ASIC3: variants seen among roughly 807,000 people sequenced by gnomAD.
The protein encoded by ASIC3 is acid sensing ion channel subunit 3.
A neutral mutation model predicts 58.6 loss-of-function variants in ASIC3; 46 were observed. The ratio of observed to expected loss-of-function variants is 0.79; its 90% CI spans 0.62 to 1.00. ASIC3 has a LOEUF of 1.00. ASIC3 is among the 50% of genes least tolerant of loss of function. The pLI is 0.00. For missense variants in ASIC3, 770 were observed against 735.0 expected, an observed-to-expected ratio of 1.05 and a Z score of -0.55; for synonymous variants, 336 against 300.2, an observed-to-expected ratio of 1.12 and a Z score of -1.23.
In ASIC3 at chr7:151,051,346, C is replaced by T. The variant is rs1312612002; in HGVS notation, c.1214+27C>T. Reference sequence around the variant, plus strand: ...TGAGCTGCGCGGGGCGGGCGGGCTCCTCCGAGCCGGGGGCTCCCGACGGGG... The same window carrying T: ...TGAGCTGCGCGGGGCGGGCGGGCTCTTCCGAGCCGGGGGCTCCCGACGGGG... On this transcript the variant is annotated intron_variant, in intron 6 of 10. Coordinates refer to ENST00000349064, the MANE Select transcript of ASIC3 (RefSeq NM_004769.4). 11 of 1,453,820 alleles carry T rather than the reference C, an allele frequency of 7.6e-6. No individual in the cohort carries two copies. In the Admixed American group the frequency reaches 2.3e-4, roughly 30 times the overall value. The allele number at this position is 1,453,820 out of a possible 1,614,324, so 90.1% of individuals were successfully genotyped here.
chr7:151,048,938 G>T lies in ASIC3; in HGVS notation c.53G>T (p.Arg18Leu). ...GCCCGGCGGCCAGCCTCGGACATCC[G>T]CGTGTTCGCCAGCAACTGCTCGATG... ...EEARRPASDI[R>L]VFASNCSMHG... Residue 18 changes from arginine to leucine, a missense_variant, in exon 1 of 11, where the codon CGC becomes CTC. Transcript: ENST00000349064. 6.3e-7 allele frequency: 1 copy of T among 1,579,392 alleles called. No individual in the cohort carries two copies. Among genetic ancestry groups the T allele is most frequent in the Non-Finnish European group, 8.6e-7 (1 of 1,158,936 alleles).
rs1171379604 is a variant in ASIC3 at position 151,048,877 on chromosome 7, G to A, written c.-9G>A. The A allele has an allele frequency of 6.5e-7, 1 of 1,541,096 alleles. No individual in the cohort carries two copies. The highest frequency in any genetic ancestry group is 1.4e-5 in the African/African-American group (1 of 73,006). ...CCTCTGTAGCTGGTTCCGCTCCTGG[G>A]TTCTGGCCATGAAGCCCACCTCAGG... On this transcript the variant is annotated 5_prime_UTR_variant, in exon 1 of 11. Transcript: ENST00000349064.
Position 151,052,084 on chromosome 7 carries a change from A to C in ASIC3, c.1386+22A>C. 3 of 1,455,290 alleles carry C rather than the reference A, an allele frequency of 2.1e-6. No individual in the cohort carries two copies. Among genetic ancestry groups the C allele is most frequent in the Non-Finnish European group, 2.8e-6 (3 of 1,053,358 alleles). 90.1% of individuals were successfully genotyped at this position (1,455,290 alleles called of 1,614,324 possible). ...TGAGGTGGGCCAGGGCCCCCACTGC[A>C]GGGGGTGGGAGGTGGGAATCAGGGC... On this transcript the variant is annotated intron_variant, in intron 8 of 10. Transcript: ENST00000349064. The surrounding 1 kb of genome is among the most constrained non-coding windows in gnomAD (Gnocchi z 5.0).
chr7:151,048,749 C>T lies in ASIC3; in HGVS notation c.-137C>T. The T allele has an allele frequency of 1.8e-6, 2 of 1,119,446 alleles. No homozygotes were observed. Among genetic ancestry groups the T allele is most frequent in the Non-Finnish European group, 1.3e-6 (1 of 782,800 alleles). The allele number at this position is 1,119,446 out of a possible 1,614,324, so 69.3% of individuals were successfully genotyped here. On this transcript the variant is annotated 5_prime_UTR_variant, in exon 1 of 11. Coordinates refer to ENST00000349064, the MANE Select transcript of ASIC3 (RefSeq NM_004769.4). ...GGCTAGTGCCTCCCTGCCTTCCAAC[C>T]TTGGCTGTCTCCCACCCTCTCTTCT...
chr7:151,052,001 T>C lies in ASIC3; in HGVS notation c.1325T>C (p.Met442Thr), dbSNP rs1376793036. Residue 442 changes from methionine to threonine, a missense_variant, in exon 8 of 11, where the codon ATG becomes ACG. Met to Thr is a moderately conservative substitution (Grantham distance 81). Coordinates refer to ENST00000349064, the MANE Select transcript of ASIC3 (RefSeq NM_004769.4). The surrounding 1 kb of genome is among the most constrained non-coding windows in gnomAD (Gnocchi z 5.0). ...SELLGDIGGQ[M>T]GLFIGASLLT... is the part of the protein sequence containing the mutation. ...TCCACAGGTGACATTGGGGGCCAGA[T>C]GGGGCTGTTCATCGGGGCCAGCCTG... 6.2e-7 allele frequency: 1 copy of C among 1,612,660 alleles called. No homozygotes were observed. The highest frequency in any genetic ancestry group is 1.7e-4 in the Middle Eastern group (1 of 6,060).
At chr7:151,050,980 G>A (rs746064840) in intron 4 of ASIC3, 27 bp downstream of exon 4, 11 of 1,613,202 alleles carry the variant, frequency 6.8e-6, no homozygotes, top group South Asian at 6.6e-5. Context: ...TTCGTCCCAT[G>A]GCGGGCAGGG....
chr7:151,051,879 C>T lies in ASIC3; in HGVS notation c.1284C>T (p.Ala428=). 1.2e-6 allele frequency: 2 copies of T among 1,612,766 alleles called. No individual in the cohort carries two copies. Among genetic ancestry groups the T allele is most frequent in the Non-Finnish European group, 1.7e-6 (2 of 1,179,724 alleles). The stretch of plus-strand genomic sequence containing the variant: ...ATGAGACCGTGGAGCAGAAGAAGGC[C>T]TATGAGATGTCAGAGCTGCTTGGTG... ...LNYETVEQKK[A]YEMSELLGDI... is the part of the protein sequence containing the mutation. The change falls in exon 7 of 11, where the codon GCC becomes GCT. Residue 428 remains alanine (A), a synonymous_variant. Coordinates refer to ENST00000349064, the MANE Select transcript of ASIC3 (RefSeq NM_004769.4).
In ASIC3 at chr7:151,051,276, C is replaced by T. The variant is rs747610290; in HGVS notation, c.1171C>T (p.Arg391Cys). Reference sequence around the variant, plus strand: ...GCGGATCCCGAGCCGCGCCGCCGCGCGCTTCCTGGCCCGGAAGCTCAACCG... The same window carrying T: ...GCGGATCCCGAGCCGCGCCGCCGCGTGCTTCCTGGCCCGGAAGCTCAACCG... ...MVRIPSRAAA[R>C]FLARKLNRSE... The change falls in exon 6 of 11, where the codon CGC (arginine) becomes TGC (cysteine). Residue 391 changes from arginine to cysteine, a missense_variant. Coordinates refer to ENST00000349064, the MANE Select transcript of ASIC3 (RefSeq NM_004769.4). 20 of 1,527,768 alleles carry T rather than the reference C, an allele frequency of 1.3e-5. No individual in the cohort carries two copies. The South Asian group carries it at 2.2e-4, about 17-fold the overall frequency. The allele number at this position is 1,527,768 out of a possible 1,614,324, so 94.6% of individuals were successfully genotyped here.
rs560303040 is a variant in ASIC3 at position 151,051,110 on chromosome 7, C to T, written c.1066+15C>T. The stretch of plus-strand genomic sequence containing the variant: ...CCCGGCCATAGGTAAGGGCGAGCCT[C>T]CCCCACCTCCCGTCCGCCCCGCTCC... On this transcript the variant is annotated intron_variant, in intron 5 of 10. Transcript: ENST00000349064. 6.2e-7 allele frequency: 1 copy of T among 1,607,994 alleles called. No homozygotes were observed. Among genetic ancestry groups the T allele is most frequent in the Non-Finnish European group, 8.5e-7 (1 of 1,178,738 alleles).
At position 151,051,155 on chromosome 7, in the gene ASIC3, G is replaced by A. The variant is rs898859828; in HGVS notation, c.1067-17G>A. On this transcript the variant is annotated splice_polypyrimidine_tract_variant and intron_variant, in intron 5 of 10. Transcript: ENST00000349064. ...CGCTCCGCCCGCGGGCGTCTGACGC[G>A]GCCCGGTGGCCCGCAGATGCCATGC... 1.3e-6 allele frequency: 2 copies of A among 1,594,354 alleles called. No individual in the cohort carries two copies. The highest frequency in any genetic ancestry group is 2.7e-5 in the African/African-American group (2 of 74,310).
Position 151,051,022 on chromosome 7 carries a change from C to G in ASIC3, c.1010-17C>G, listed in dbSNP as rs767757693. ...GAGCTGAGGCTGCTTCTAAAGCCAT[C>G]TCCCCGGTACCCGCAGGCGACGTGC... On this transcript the variant is annotated splice_polypyrimidine_tract_variant and intron_variant, in intron 4 of 10. Transcript: ENST00000349064. 1 of 1,613,218 alleles carries G rather than the reference C, an allele frequency of 6.2e-7. No homozygotes were observed. The highest frequency in any genetic ancestry group is 8.5e-7 in the Non-Finnish European group (1 of 1,180,036).
At position 151,049,390 on chromosome 7, in the gene ASIC3, C is replaced by A. The variant is rs1267470479; in HGVS notation, c.505C>A (p.Gln169Lys). The part of the protein sequence containing the change: ...DMLLDCRFRG[Q>K]PCGPENFTTI... The stretch of plus-strand genomic sequence containing the variant: ...GCTGCTGGACTGTCGCTTCCGTGGC[C>A]AACCTTGTGGGCCTGAGAACTTCAC... Residue 169 changes from glutamine to lysine, a missense_variant, in exon 1 of 11, where the codon CAA becomes AAA. By Grantham distance (53) the Gln-to-Lys change is moderately conservative. Transcript: ENST00000349064. 1 of 1,600,744 alleles carries A rather than the reference C, an allele frequency of 6.2e-7. No homozygotes were observed. Among genetic ancestry groups the A allele is most frequent in the East Asian group, 2.2e-5 (1 of 44,646 alleles).
chr7:151,050,402 G>A (rs1796739142), intron 2 of ASIC3, 79 bp from the exon 3 acceptor site: 2 of 1,582,594 alleles, frequency 1.3e-6, no homozygotes, highest in African/African-American at 2.7e-5. Flanking sequence ...TGGGGAGAGG[G>A]GCTGCAGTGA....
At position 151,052,659 on chromosome 7, in the gene ASIC3, T is replaced by A; in HGVS notation, c.*7T>A. The A allele has an allele frequency of 6.2e-7, 1 of 1,614,042 alleles. No homozygotes were observed. Among genetic ancestry groups the A allele is most frequent in the African/African-American group, 1.3e-5 (1 of 75,016 alleles). On this transcript the variant is annotated 3_prime_UTR_variant, in exon 11 of 11. Coordinates refer to ENST00000349064, the MANE Select transcript of ASIC3 (RefSeq NM_004769.4). The surrounding 1 kb of genome is among the most constrained non-coding windows in gnomAD (Gnocchi z 5.0). Reference sequence around the variant, plus strand: ...CCTTGTCACACAGCTCTAGACCTGCTGTCTGTGTCCTCGGAGCCCCGCCCT... The same window carrying A: ...CCTTGTCACACAGCTCTAGACCTGCAGTCTGTGTCCTCGGAGCCCCGCCCT...
rs1277082311 is a variant in ASIC3, at chr7:151,052,235, C to G, written c.1456C>G (p.Leu486Val). ...CTCCCAAAGGCACTCCAGCACCAAT[C>G]TGGTAACAGCCCCTCTTCTGGAGCC... The part of the protein sequence containing the change: ...QHSQRHSSTN[L>V]LQEGLGSHRT... The change falls in exon 9 of 11, where the codon CTG becomes GTG. Residue 486 changes from leucine (L) to valine (V), a missense_variant and splice_region_variant. Leu to Val is a conservative substitution (Grantham distance 32). Transcript: ENST00000349064. The surrounding 1 kb of genome is among the most constrained non-coding windows in gnomAD (Gnocchi z 5.0). The G allele has an allele frequency of 3.7e-6, 6 of 1,614,094 alleles. No individual in the cohort carries two copies. Among genetic ancestry groups the G allele is most frequent in the African/African-American group, 1.3e-5 (1 of 75,030 alleles).
Position 151,050,826 on chromosome 7 carries a change from G to A in ASIC3, c.882G>A (p.Glu294=), listed in dbSNP as rs759568152. The A allele has an allele frequency of 6.2e-7, 1 of 1,613,634 alleles. No homozygotes were observed. The highest frequency in any genetic ancestry group is 1.1e-5 in the South Asian group (1 of 91,082). The change falls in exon 4 of 11, where the codon GAG becomes GAA. Residue 294 remains glutamate (E), a synonymous_variant. Coordinates refer to ENST00000349064, the MANE Select transcript of ASIC3 (RefSeq NM_004769.4). ...CTCTGAACCCCAACTATGAGCCAGA[G>A]CCCTCTGATCCCCTAGGCTCCCCCA... ...SASLNPNYEP[E]PSDPLGSPSP... is the part of the protein sequence containing the mutation.
rs115179904 is a variant in ASIC3, at chr7:151,051,873, G to A, written c.1278G>A (p.Lys426=). The part of the protein sequence containing the change: ...EALNYETVEQ[K]KAYEMSELLG... ...TCAACTATGAGACCGTGGAGCAGAAGAAGGCCTATGAGATGTCAGAGCTGC... is the reference window on the plus strand; with the variant it reads ...TCAACTATGAGACCGTGGAGCAGAAAAAGGCCTATGAGATGTCAGAGCTGC... Residue 426 remains lysine (K), a synonymous_variant, in exon 7 of 11, where the codon AAG becomes AAA. Transcript: ENST00000349064. 7 of 1,613,926 alleles carry A rather than the reference G, an allele frequency of 4.3e-6. No individual in the cohort carries two copies. The highest frequency in any genetic ancestry group is 1.1e-5 in the South Asian group (1 of 91,064).
chr7:151,050,090 T>A lies in ASIC3; in HGVS notation c.535-16T>A. 6.2e-7 allele frequency: 1 copy of A among 1,613,916 alleles called. No homozygotes were observed. Among genetic ancestry groups the A allele is most frequent in the Non-Finnish European group, 8.5e-7 (1 of 1,179,956 alleles). ...TGCCTGGGGGAGATGGCCATCACCCTGTCTGCCCGCCCCAGATCTTCACCC... is the reference window on the plus strand; with the variant it reads ...TGCCTGGGGGAGATGGCCATCACCCAGTCTGCCCGCCCCAGATCTTCACCC... On this transcript the variant is annotated splice_polypyrimidine_tract_variant and intron_variant, in intron 1 of 10. Coordinates refer to ENST00000349064, the MANE Select transcript of ASIC3 (RefSeq NM_004769.4).
At position 151,051,235 on chromosome 7, in the gene ASIC3, A is replaced by G. The variant is rs1296407248; in HGVS notation, c.1130A>G (p.Lys377Arg). 1.9e-6 allele frequency: 3 copies of G among 1,571,274 alleles called. No individual in the cohort carries two copies. Among genetic ancestry groups the G allele is most frequent in the Non-Finnish European group, 2.6e-6 (3 of 1,166,246 alleles). ...PNPCASTRYA[K>R]ELSMVRIPSR... is the part of the protein sequence containing the mutation. The stretch of plus-strand genomic sequence containing the variant: ...CCGTGCGCCAGCACGCGCTACGCCA[A>G]GGAGCTCTCCATGGTGCGGATCCCG... Residue 377 changes from lysine to arginine, a missense_variant, in exon 6 of 11, where the codon AAG (lysine) becomes AGG (arginine). By Grantham distance (26) the Lys-to-Arg change is conservative. Transcript: ENST00000349064.
Sources: gnomAD v4.1 joint callset for allele counts on GRCh38, gnomAD v4.1.1 for gene constraint, Gnocchi (gnomAD v3.1) non-coding constraint, MANE v1.5 for transcripts, NCBI Gene and HGNC (gene_info 2026-07-23, HGNC 2026-07-21) for gene names.